Variants in SLC24A3 observed in about 807,000 individuals in gnomAD.
The protein encoded by SLC24A3 is sodium/potassium/calcium exchanger 3.
A neutral mutation model predicts 75.8 loss-of-function variants in SLC24A3; 28 were observed. That is an observed-to-expected ratio of 0.37 (90% CI 0.27 to 0.51). The LOEUF (loss-of-function observed/expected upper bound fraction) is 0.51. Among genes scored for constraint, SLC24A3 ranks in the 20% least tolerant of loss-of-function variants. SLC24A3 has a pLI of 0.94. For missense variants in SLC24A3, 663 were observed against 847.8 expected (o/e 0.78, Z 2.71); for synonymous variants, 372 against 334.1 (o/e 1.11, Z -1.24).
chr20:19,257,873 TA>T (rs1568570751), intron 1 of SLC24A3, among the ~76,000 whole-genome samples: 1 of 152,204 alleles, frequency 6.6e-6, no homozygotes, highest in Non-Finnish European at 1.5e-5. Flanking sequence ...TTGTCCAGGC[TA>T]AAATGCAGTG....
At chr20:19,295,832 T>A (rs1476157227) in intron 2 of SLC24A3, among the ~76,000 whole-genome samples, 1 of 152,102 alleles carries the variant, frequency 6.6e-6, no homozygotes, top group Non-Finnish European at 1.5e-5. Flanking sequence ...TGTTGTTGTA[T>A]CTCTGCCAGG....
chr20:19,650,423 A>G (rs1227322759), intron 6 of SLC24A3, among the ~76,000 whole-genome samples: 1 of 152,210 alleles, frequency 6.6e-6, no homozygotes, highest in African/African-American at 2.4e-5. Flanking sequence ...AACCCACTCT[A>G]GAAAGCTTAT....
chr20:19,669,768 C>T (rs746990098), intron 8 of SLC24A3, among the ~76,000 whole-genome samples: 2 of 152,124 alleles, frequency 1.3e-5, no homozygotes, highest in Non-Finnish European at 2.9e-5. Context: ...TTTTGCTGTT[C>T]TGGGATGTGT....
chr20:19,605,506 C>T (rs2031585843), intron 6 of SLC24A3, among the ~76,000 whole-genome samples: 1 of 152,098 alleles, frequency 6.6e-6, no homozygotes, highest in South Asian at 2.1e-4. Flanking sequence ...CTTAAAGATT[C>T]TTAGAATATA....
intron 15 of SLC24A3, among the ~76,000 whole-genome samples, chr20:19,714,116 G>T (rs1412855249): frequency 6.6e-6 from 1 of 152,150 alleles, no homozygotes; most frequent in Non-Finnish European, 1.5e-5. Context: ...ACAAAGACAG[G>T]CTGGAGCCAG....
intron 6 of SLC24A3, among the ~76,000 whole-genome samples, chr20:19,628,732 C>A (rs149405089): frequency 3.9e-4 from 59 of 152,220 alleles, no homozygotes; most frequent in African/African-American, 1.2e-3. Flanking sequence ...GCATCACAGA[C>A]AGACACCAGG....
At chr20:19,578,651 C>A (rs6046188) in intron 3 of SLC24A3, among the ~76,000 whole-genome samples, 104,268 of 151,582 alleles carry the variant, frequency 0.69, 36,979 homozygotes, top group Non-Finnish European at 0.76. Context: ...TCCTGAGGAG[C>A]ACTTCTCAAA....
chr20:19,270,638 T>A (rs1486169069), intron 1 of SLC24A3, among the ~76,000 whole-genome samples: 2 of 152,186 alleles, frequency 1.3e-5, no homozygotes, highest in Non-Finnish European at 2.9e-5. Flanking sequence ...GTGGATGTAT[T>A]CTGGTCTTAT....
intron 2 of SLC24A3, among the ~76,000 whole-genome samples, chr20:19,361,896 G>A (rs868027398): frequency 1.3e-5 from 2 of 152,002 alleles, no homozygotes; most frequent in South Asian, 4.1e-4. Context: ...GAAAATCTAG[G>A]CTGGGAAAAC....
At chr20:19,303,687 A>T (rs754341343) in intron 2 of SLC24A3, among the ~76,000 whole-genome samples, 1 of 152,240 alleles carries the variant, frequency 6.6e-6, no homozygotes, top group Admixed American at 6.5e-5. Context: ...CTAAAACTCC[A>T]GAAAGGAAAA....
At chr20:19,523,827 G>A (rs7269797) in intron 3 of SLC24A3, among the ~76,000 whole-genome samples, 14,725 of 152,126 alleles carry the variant, frequency 0.097, 774 homozygotes, top group South Asian at 0.1. Context: ...CTGAATAGAC[G>A]ATACCTTACT....
intron 2 of SLC24A3, among the ~76,000 whole-genome samples, chr20:19,352,210 T>C (rs1985584281): frequency 6.6e-6 from 1 of 152,148 alleles, no homozygotes; most frequent in African/African-American, 2.4e-5. Context: ...GCATTTGTAC[T>C]TAAAGTGGTC....
At chr20:19,638,242 G>C (rs1025963739) in intron 6 of SLC24A3, among the ~76,000 whole-genome samples, 10 of 152,196 alleles carry the variant, frequency 6.6e-5, no homozygotes, top group African/African-American at 2.4e-4. Flanking sequence ...TTCAATAGAT[G>C]ATACCAAAAG....
At chr20:19,504,416 A>G (rs1988432113) in intron 2 of SLC24A3, among the ~76,000 whole-genome samples, 2 of 152,246 alleles carry the variant, frequency 1.3e-5, no homozygotes, top group Admixed American at 1.3e-4. Context: ...ATAAATATTT[A>G]AAGTTTAAAA....
intron 1 of SLC24A3, among the ~76,000 whole-genome samples, chr20:19,256,508 C>T (rs1405419873): frequency 6.6e-6 from 1 of 152,140 alleles, no homozygotes; most frequent in Middle Eastern, 3.2e-3. Flanking sequence ...GTGGCTCACG[C>T]TTGTAATTCC....
chr20:19,580,077 A>G lies in SLC24A3; in HGVS notation c.423+3A>G, dbSNP rs1267303967. 4 of 1,612,786 alleles carry G rather than the reference A, an allele frequency of 2.5e-6. No homozygotes were observed. The African/African-American group carries it at 5.3e-5, about 22-fold the overall frequency. ...CTTCCTTGGAAAAGATCTGTGAGGT[A>G]CGTGCCTCACATTCTTGGTATGTGT... On this transcript the variant is annotated splice_donor_region_variant and intron_variant, in intron 4 of 16. Transcript: ENST00000328041.
intron 7 of SLC24A3, among the ~76,000 whole-genome samples, chr20:19,662,063 G>C (rs935652378): frequency 2.6e-5 from 4 of 152,156 alleles, no homozygotes; most frequent in Non-Finnish European, 4.4e-5. Context: ...AGCAGAACAC[G>C]TGGAAACCTC....
chr20:19,229,111 A>G (rs1300912893), intron 1 of SLC24A3, among the ~76,000 whole-genome samples: 2 of 152,178 alleles, frequency 1.3e-5, no homozygotes, highest in Admixed American at 1.3e-4. Flanking sequence ...ATGTTTTCCT[A>G]GAGAAGTGTT....
At chr20:19,452,055 G>A (rs931893033) in intron 2 of SLC24A3, among the ~76,000 whole-genome samples, 5 of 152,236 alleles carry the variant, frequency 3.3e-5, no homozygotes, top group East Asian at 1.9e-4. Context: ...TCATTACAGC[G>A]CGAGAACATA....
Sources: allele counts gnomAD v4.1 joint callset (sites outside exome capture counted in the v4.1 genomes callset), GRCh38; gene constraint gnomAD v4.1.1; transcripts MANE v1.5; gene names NCBI Gene and HGNC (gene_info 2026-07-23, HGNC 2026-07-21).